The following PI16 variants were observed in gnomAD, a reference collection of about 807,000 sequenced individuals.
PI16 encodes PSP94-binding protein.
PI16 carries 35 observed loss-of-function variants against 38.0 expected under a neutral mutation model. The ratio of observed to expected loss-of-function variants is 0.92; its 90% CI spans 0.70 to 1.22. The LOEUF (loss-of-function observed/expected upper bound fraction) is 1.22, where lower values mean the gene tolerates loss of function less well. PI16 is among the 50% of genes most tolerant of loss of function. The pLI is 0.00. For synonymous variants in PI16, 275 were observed against 252.9 expected (o/e 1.09, Z -0.83); for missense variants, 572 against 593.8 (o/e 0.96, Z 0.38).
In PI16 at chr6:36,963,786, G is replaced by C. The variant is rs1198646348; in HGVS notation, c.1271-37G>C. 3.9e-6 allele frequency: 6 copies of C among 1,550,192 alleles called. No individual in the cohort carries two copies. The Admixed American group carries it at 1.2e-4, about 31-fold the overall frequency. ...GGTGGGCGGGACATCAGGCACAGCT[G>C]TCTCTAGGCTGAGGCAAAGCCTCTT... On this transcript the variant is annotated intron_variant, in intron 5 of 6. Transcript: ENST00000373674.
At chr6:36,963,998 C>G in intron 6 of PI16, 36 bp downstream of exon 6, 2 of 1,572,216 alleles carry the variant, frequency 1.3e-6, no homozygotes, top group Non-Finnish European at 1.7e-6. Flanking sequence ...GCCTCATACC[C>G]ACCTGGATTG....
In PI16 at chr6:36,954,903, C is replaced by A. The variant is rs1167842862; in HGVS notation, c.143C>A (p.Ser48Tyr). Residue 48 changes from serine (S) to tyrosine (Y), a missense_variant, in exon 1 of 7, where the codon TCC becomes TAC. By Grantham distance (144) the Ser-to-Tyr change is moderately radical. Transcript: ENST00000373674. ...ELHNLYRAQV[S>Y]PTASDMLHMR... Reference sequence around the variant, plus strand: ...CACAACCTCTACCGGGCCCAGGTATCCCCGACGGCCTCAGACATGCTGCAC... The same window carrying A: ...CACAACCTCTACCGGGCCCAGGTATACCCGACGGCCTCAGACATGCTGCAC... 5.0e-6 allele frequency: 8 copies of A among 1,613,596 alleles called. No homozygotes were observed. Among genetic ancestry groups the A allele is most frequent in the Non-Finnish European group, 6.8e-6 (8 of 1,180,000 alleles).
chr6:36,962,831 T>A lies in PI16; in HGVS notation c.593-104T>A. On this transcript the variant is annotated intron_variant, in intron 4 of 6. Coordinates refer to ENST00000373674, the MANE Select transcript of PI16 (RefSeq NM_153370.3). This position sits in a 1 kb window ranked among gnomAD's most constrained non-coding sequence, Gnocchi z 4.1. Reference sequence around the variant, plus strand: ...CTGGAGAAGTGTATGTGTGTGTTTGTGTGTCCTGGTAGGACATTTGGTCGC... The same window carrying A: ...CTGGAGAAGTGTATGTGTGTGTTTGAGTGTCCTGGTAGGACATTTGGTCGC... The A allele has an allele frequency of 4.2e-6, 4 of 947,782 alleles. No individual in the cohort carries two copies. Among genetic ancestry groups the A allele is most frequent in the Non-Finnish European group, 6.3e-6 (4 of 633,006 alleles). The allele number at this position is 947,782 out of a possible 1,614,324, so 58.7% of individuals were successfully genotyped here.
chr6:36,951,916 A>C (rs68028411), upstream of PI16, among the ~76,000 whole-genome samples: 32,176 of 151,738 alleles, frequency 0.21, 3,637 homozygotes, highest in East Asian at 0.41. Flanking sequence ...ACAACAAAAA[A>C]CCCACAAAAT....
At chr6:36,948,466 A>G (rs1481632136) in intron 1 of PI16, 2 of 152,136 alleles carry the variant, frequency 1.3e-5, no homozygotes, top group East Asian at 3.8e-4. Flanking sequence ...TTAATGTTTT[A>G]AAAGTTTTTA....
In PI16 at chr6:36,959,367, G is replaced by T. The variant is rs1420910082; in HGVS notation, c.393+1G>T. ...CCAGATGTGCGGCCACTACACGCAG[G>T]TGTGGGCCCGGCGGGCGAGGCGGGG... is the stretch of plus-strand genomic sequence containing the variant. On this transcript the variant is annotated splice_donor_variant, in intron 2 of 6. Transcript: ENST00000373674. LOFTEE classifies it high-confidence loss of function. 7.7e-6 allele frequency: 12 copies of T among 1,549,532 alleles called. No individual in the cohort carries two copies. Among genetic ancestry groups the T allele is most frequent in the Non-Finnish European group, 1.0e-5 (12 of 1,146,898 alleles).
In PI16 at chr6:36,963,978, G is replaced by C; in HGVS notation, c.*18+16G>C. 6.3e-7 allele frequency: 1 copy of C among 1,596,424 alleles called. No individual in the cohort carries two copies. Among genetic ancestry groups the C allele is most frequent in the Non-Finnish European group, 8.5e-7 (1 of 1,172,494 alleles). Reference sequence around the variant, plus strand: ...CCACTCAAAGGCAAGGCCTGGTGAGGGGGGCCCTGGCCTCATACCCACCTG... The same window carrying C: ...CCACTCAAAGGCAAGGCCTGGTGAGCGGGGCCCTGGCCTCATACCCACCTG... On this transcript the variant is annotated intron_variant, in intron 6 of 6. Transcript: ENST00000373674.
In PI16 at chr6:36,963,490, T is replaced by C. The variant is rs1471138579; in HGVS notation, c.1148T>C (p.Leu383Pro). Residue 383 changes from leucine to proline, a missense_variant, in exon 5 of 7, where the codon CTG becomes CCG. By Grantham distance (98) the Leu-to-Pro change is moderately conservative. Transcript: ENST00000373674. Reference sequence around the variant, plus strand: ...CCAGCCCAGGACAAGCCAGGTGAGCTGCAGGCCACACTGGACCACACGGGG... The same window carrying C: ...CCAGCCCAGGACAAGCCAGGTGAGCCGCAGGCCACACTGGACCACACGGGG... Reference protein sequence around the residue: ...VFPAQDKPGELQATLDHTGHT... With the variant: ...VFPAQDKPGEPQATLDHTGHT... 2 of 1,614,164 alleles carry C rather than the reference T, an allele frequency of 1.2e-6. No homozygotes were observed. The highest frequency in any genetic ancestry group is 1.7e-6 in the Non-Finnish European group (2 of 1,180,046).
intron 1 of PI16, among the ~76,000 whole-genome samples, chr6:36,955,586 G>A (rs774381331): frequency 1.3e-5 from 2 of 152,164 alleles, no homozygotes; most frequent in Admixed American, 6.5e-5. Context: ...TTAGAGCTAC[G>A]TATATACCAG....
Position 36,961,942 on chromosome 6 carries a change from C to G in PI16, c.560C>G (p.Pro187Arg). ...GAGGGGACTCCGTGCTCCCAATGTCCCTCTGGCTACCACTGCAAGAACTCC... is the reference window on the plus strand; with the variant it reads ...GAGGGGACTCCGTGCTCCCAATGTCGCTCTGGCTACCACTGCAAGAACTCC... ...YQEGTPCSQC[P>R]SGYHCKNSLC... Residue 187 changes from proline to arginine, a missense_variant, in exon 4 of 7, where the codon CCC becomes CGC. Transcript: ENST00000373674. 1 of 1,614,150 alleles carries G rather than the reference C, an allele frequency of 6.2e-7. No homozygotes were observed. The highest frequency in any genetic ancestry group is 8.5e-7 in the Non-Finnish European group (1 of 1,179,996).
upstream of PI16, among the ~76,000 whole-genome samples, chr6:36,951,503 GC>G (rs967459975): frequency 6.6e-6 from 1 of 152,162 alleles, no homozygotes; most frequent in Non-Finnish European, 1.5e-5. Context: ...GCCCGCCTTA[GC>G]CTCCCAAACT....
chr6:36,959,279 C>T lies in PI16; in HGVS notation c.306C>T (p.Ala102=). The change falls in exon 2 of 7, where the codon GCC becomes GCT. Residue 102 remains alanine (A), a synonymous_variant. Transcript: ENST00000373674. ...ITDEGMDVPL[A]MEEWHHEREH... is the part of the protein sequence containing the mutation. ...ACGAGGGCATGGACGTGCCGCTGGC[C>T]ATGGAGGAGTGGCACCACGAGCGTG... 1.3e-6 allele frequency: 2 copies of T among 1,599,364 alleles called. No homozygotes were observed. The highest frequency in any genetic ancestry group is 1.1e-5 in the South Asian group (1 of 88,538).
At chr6:36,952,712 C>T (rs1323559661), upstream of PI16, among the ~76,000 whole-genome samples, 1 of 152,096 alleles carries the variant, frequency 6.6e-6, no homozygotes, top group Non-Finnish European at 1.5e-5. Flanking sequence ...TTTGTGGTTA[C>T]ATATTAAAAT....
Position 36,963,264 on chromosome 6 carries a change from C to T in PI16, c.922C>T (p.Pro308Ser), listed in dbSNP as rs1347591017. The change falls in exon 5 of 7, where the codon CCC becomes TCC. Residue 308 changes from proline to serine, a missense_variant. Transcript: ENST00000373674. ...CTTGGATGAGGAGCCAGTTACCTTCCCCAAATCGACCCATGTTCCTATCCC... is the reference window on the plus strand; with the variant it reads ...CTTGGATGAGGAGCCAGTTACCTTCTCCAAATCGACCCATGTTCCTATCCC... ...PSLDEEPVTF[P>S]KSTHVPIPKS... The T allele has an allele frequency of 6.2e-7, 1 of 1,614,096 alleles. No homozygotes were observed. The highest frequency in any genetic ancestry group is 8.5e-7 in the Non-Finnish European group (1 of 1,180,042).
chr6:36,949,348 C>G lies in PI16; in HGVS notation c.-82+944C>G, dbSNP rs538490280. ...TGTTGGCCAGGCTGGTTTCCAATTCCTGACCTCAGGTGATCCGCCCACCTT... is the reference window on the plus strand; with the variant it reads ...TGTTGGCCAGGCTGGTTTCCAATTCGTGACCTCAGGTGATCCGCCCACCTT... On this transcript the variant is annotated intron_variant, in intron 1 of 7. Coordinates refer to the PI16 transcript ENST00000611814. 4.6e-5 allele frequency among the ~76,000 whole-genome samples: 7 copies of G among 151,952 alleles called. No individual in the cohort carries two copies. In the East Asian group the frequency reaches 1.4e-3, roughly 29 times the overall value.
At chr6:36,961,411 C>T (rs764702380) in intron 2 of PI16, 40 bp from the exon 3 acceptor site, 6 of 1,567,662 alleles carry the variant, frequency 3.8e-6, no homozygotes, top group Admixed American at 1.7e-5. Context: ...CACCATGCCA[C>T]CTCGCATGGG....
At position 36,963,184 on chromosome 6, in the gene PI16, C is replaced by G. The variant is rs761500620; in HGVS notation, c.842C>G (p.Pro281Arg). Reference sequence around the variant, plus strand: ...CCGCCCTCCATGGCAACAGAGGCTCCACCTTGCGTAACAACTGAGGTCCCT... The same window carrying G: ...CCGCCCTCCATGGCAACAGAGGCTCGACCTTGCGTAACAACTGAGGTCCCT... Reference protein sequence around the residue: ...KDPPSMATEAPPCVTTEVPSI... With the variant: ...KDPPSMATEARPCVTTEVPSI... The change falls in exon 5 of 7, where the codon CCA becomes CGA. Residue 281 changes from proline to arginine, a missense_variant. Transcript: ENST00000373674. 6.8e-6 allele frequency: 11 copies of G among 1,614,252 alleles called. No homozygotes were observed. In the South Asian group the frequency reaches 1.2e-4, roughly 18 times the overall value.
At chr6:36,948,606 CTTTCT>C (rs1452695063) in intron 1 of PI16, among the ~76,000 whole-genome samples, 2 of 142,766 alleles carry the variant, frequency 1.4e-5, no homozygotes, top group African/African-American at 5.2e-5. Context: ...CTCTGTGTTT[CTTTCT>C]TTTTTTTTTT....
upstream of PI16, among the ~76,000 whole-genome samples, chr6:36,949,852 C>T (rs1763071464): frequency 6.6e-6 from 1 of 151,822 alleles, no homozygotes; most frequent in African/African-American, 2.4e-5. Flanking sequence ...GACTCAGTTC[C>T]TGATGCATTT....
Sources: gnomAD v4.1 joint callset for allele counts (sites outside exome capture counted in the v4.1 genomes callset) on GRCh38, gnomAD v4.1.1 for gene constraint, Gnocchi (gnomAD v3.1) non-coding constraint, MANE v1.5 for transcripts, NCBI Gene and HGNC (gene_info 2026-07-23, HGNC 2026-07-21) for gene names.